The following SLC16A1 variants were observed in gnomAD, a reference collection of about 807,000 sequenced individuals.
SLC16A1 encodes the protein monocarboxylate transporter 1.
A neutral mutation model predicts 32.2 loss-of-function variants in SLC16A1; 11 were observed. That is an observed-to-expected ratio of 0.34 (90% CI 0.21 to 0.56). SLC16A1 has a LOEUF of 0.56. SLC16A1 is among the 20% of genes least tolerant of loss of function. The pLI, the probability that SLC16A1 is intolerant of heterozygous loss-of-function variation, is 0.87. For missense variants in SLC16A1, 435 were observed against 615.0 expected, an observed-to-expected ratio of 0.71 and a Z score of 3.10; for synonymous variants, 231 against 226.8, an observed-to-expected ratio of 1.02 and a Z score of -0.17.
intron 2 of SLC16A1, chr1:112,922,379 A>G (rs887428907): frequency 1.9e-6 from 1 of 525,622 alleles, no homozygotes; most frequent in African/African-American, 1.9e-5. Context: ...AAAGACCTGA[A>G]GTTATCCTTA....
At chr1:112,921,639 C>T (rs776461625) in intron 3 of SLC16A1, among the ~76,000 whole-genome samples, 3 of 152,102 alleles carry the variant, frequency 2.0e-5, no homozygotes, top group Non-Finnish European at 4.4e-5. Flanking sequence ...AATTATGAAG[C>T]GTATCCTCTA....
chr1:112,939,275 TG>T (rs1230950898), intron 1 of SLC16A1, among the ~76,000 whole-genome samples: 1 of 152,124 alleles, frequency 6.6e-6, no homozygotes, highest in Admixed American at 6.5e-5. Flanking sequence ...TGTACACTGT[TG>T]GAGGGAATAT....
intron 3 of SLC16A1, among the ~76,000 whole-genome samples, chr1:112,919,324 G>A (rs1053436974): frequency 4.0e-4 from 61 of 152,104 alleles, no homozygotes; most frequent in African/African-American, 1.4e-3. Flanking sequence ...GTAAGCCACC[G>A]CACCCAGCCT....
At chr1:112,916,844 G>C (rs531586691) in intron 4 of SLC16A1, among the ~76,000 whole-genome samples, 2 of 152,020 alleles carry the variant, frequency 1.3e-5, no homozygotes, top group Non-Finnish European at 2.9e-5. Context: ...CAGGGGAATC[G>C]CTTGAACCTG....
rs778256326 is a variant in SLC16A1, at chr1:112,917,984, T to C, written c.422A>G (p.Lys141Arg). The change falls in exon 4 of 5, where the codon AAG becomes AGG. Residue 141 changes from lysine to arginine, a missense_variant. Physicochemically the swap from Lys to Arg is conservative, Grantham distance 26 (BLOSUM62 2). Coordinates refer to ENST00000369626, the MANE Select transcript of SLC16A1 (RefSeq NM_003051.4). This position sits in a 1 kb window ranked among gnomAD's most constrained non-coding sequence, Gnocchi z 4.1. ...CAGTCCGTTGGCCAATGGTCGCCTC[T>C]TGTAGAAATACTTGCCAATCATGGT... is the stretch of plus-strand genomic sequence containing the variant. ...ALTMIGKYFY[K>R]RRPLANGLAM... The C allele has an allele frequency of 6.3e-7, 1 of 1,593,362 alleles. No homozygotes were observed. The highest frequency in any genetic ancestry group is 1.2e-5 in the South Asian group (1 of 86,110).
chr1:112,952,894 C>G (rs1340826058), intron 1 of SLC16A1, among the ~76,000 whole-genome samples: 1 of 152,162 alleles, frequency 6.6e-6, no homozygotes, highest in Non-Finnish European at 1.5e-5. Context: ...CAAATACCAC[C>G]TAATAAACTC....
At chr1:112,940,039 ATTTTTTTTTT>A (rs55864843) in intron 1 of SLC16A1, among the ~76,000 whole-genome samples, 2 of 108,610 alleles carry the variant, frequency 1.8e-5, no homozygotes, top group African/African-American at 6.6e-5. Context: ...CTGATGGGTG[ATTTTTTTTTT>A]TTTTTTTTTT....
At chr1:112,951,185 C>T (rs183406540) in intron 1 of SLC16A1, among the ~76,000 whole-genome samples, 1 of 152,112 alleles carries the variant, frequency 6.6e-6, no homozygotes, top group East Asian at 1.9e-4. Context: ...ATAACACTCC[C>T]TTCCTGCAAA....
intron 2 of SLC16A1, 187 bp downstream of exon 2, chr1:112,928,905 G>C: frequency 1.6e-6 from 1 of 607,758 alleles, no homozygotes; most frequent in Non-Finnish European, 2.9e-6. Flanking sequence ...AAATACTACA[G>C]TATACTATAG....
intron 1 of SLC16A1, among the ~76,000 whole-genome samples, chr1:112,952,668 T>C (rs922751784): frequency 6.6e-6 from 1 of 152,158 alleles, no homozygotes; most frequent in Non-Finnish European, 1.5e-5. Flanking sequence ...GGAAAGTAGA[T>C]AGGGGAAGAG....
In SLC16A1 at chr1:112,915,501, G is replaced by C. The variant is rs118101093; in HGVS notation, c.1229-1336C>G. On this transcript the variant is annotated intron_variant, in intron 4 of 4. Transcript: ENST00000369626. The stretch of plus-strand genomic sequence containing the variant: ...ATGCAGTGCCTTGCAAGCCACATTA[G>C]GGAATTTGCTTTTCACCCTGAAAGT... Among the ~76,000 whole-genome samples, 35 of 152,284 alleles carry C rather than the reference G, an allele frequency of 2.3e-4. No homozygotes were observed. The East Asian group carries it at 6.6e-3, about 29-fold the overall frequency.
intron 1 of SLC16A1, among the ~76,000 whole-genome samples, chr1:112,934,069 G>A (rs1649222859): frequency 6.6e-6 from 1 of 152,100 alleles, no homozygotes; most frequent in Admixed American, 6.5e-5. Flanking sequence ...GTTCTGTTAA[G>A]TAGGAAAAAA....
At chr1:112,951,803 C>T (rs774698946) in intron 1 of SLC16A1, among the ~76,000 whole-genome samples, 12 of 152,074 alleles carry the variant, frequency 7.9e-5, no homozygotes, top group African/African-American at 2.2e-4. Context: ...TTCCAGAAAA[C>T]GACAGTGTCT....
At chr1:112,941,399 A>G (rs1002272032) in intron 1 of SLC16A1, among the ~76,000 whole-genome samples, 9 of 150,780 alleles carry the variant, frequency 6.0e-5, no homozygotes, top group African/African-American at 2.2e-4. Context: ...CTCCTGCCTC[A>G]GCCTCCCAAG....
chr1:112,919,151 C>G (rs1003956714), intron 3 of SLC16A1, among the ~76,000 whole-genome samples: 3 of 152,124 alleles, frequency 2.0e-5, no homozygotes, highest in East Asian at 3.9e-4. Context: ...CTGGCTCAGC[C>G]TCCCGAGTAG....
chr1:112,923,756 G>C (rs1191476666), intron 2 of SLC16A1: 10 of 1,518,224 alleles, frequency 6.6e-6, no homozygotes, highest in Non-Finnish European at 9.1e-6. Flanking sequence ...AGGAGGGCAA[G>C]TTCCTGGATC....
rs1648382198 is a variant in SLC16A1 at position 112,913,171 on chromosome 1, C to T, written c.*720G>A. 1 of 152,198 alleles carries T rather than the reference C, an allele frequency of 6.6e-6. No individual in the cohort carries two copies. The highest frequency in any genetic ancestry group is 1.5e-5 in the Non-Finnish European group (1 of 68,060). 9.4% of individuals were successfully genotyped at this position (152,198 alleles called of 1,614,324 possible). ...TCTTTGAACAGGGGAGCAGAAATAG[C>T]TAATTTAATGAAAACAAACCTTAAG... On this transcript the variant is annotated 3_prime_UTR_variant, in exon 5 of 5. Transcript: ENST00000369626.
chr1:112,922,314 T>G, intron 2 of SLC16A1, 181 bp from the exon 3 acceptor site: 1 of 636,812 alleles, frequency 1.6e-6, no homozygotes, highest in South Asian at 2.0e-5. Context: ...GAAAACATAA[T>G]TAATTGTGCA....
intron 2 of SLC16A1, among the ~76,000 whole-genome samples, chr1:112,928,205 G>C (rs928488915): frequency 6.6e-6 from 1 of 152,196 alleles, no homozygotes; most frequent in African/African-American, 2.4e-5. Context: ...ATGGCAGCCA[G>C]TTACCTGTTT....
Sources: allele counts gnomAD v4.1 joint callset (sites outside exome capture counted in the v4.1 genomes callset), GRCh38; gene constraint gnomAD v4.1.1; non-coding constraint Gnocchi (gnomAD v3.1); transcripts MANE v1.5; gene names NCBI Gene and HGNC (gene_info 2026-07-23, HGNC 2026-07-21).